The following PDE1A variants were observed in gnomAD, a reference collection of about 807,000 sequenced individuals.
PDE1A encodes dual specificity calcium/calmodulin-dependent 3',5'-cyclic nucleotide phosphodiesterase 1A.
PDE1A carries 35 observed loss-of-function variants against 61.7 expected under a neutral mutation model. That is an observed-to-expected ratio of 0.57 (90% CI 0.43 to 0.75). The LOEUF (loss-of-function observed/expected upper bound fraction) is 0.75, where lower values mean the gene tolerates loss of function less well. PDE1A is among the 30% of genes least tolerant of loss of function. PDE1A has a pLI of 0.00. For missense variants in PDE1A, 597 were observed against 630.6 expected (o/e 0.95, Z 0.57); for synonymous variants, 232 against 213.2 (o/e 1.09, Z -0.77).
At chr2:182,335,069 G>A (rs1437543279) in intron 1 of PDE1A, among the ~76,000 whole-genome samples, 2 of 152,102 alleles carry the variant, frequency 1.3e-5, no homozygotes, top group African/African-American at 2.4e-5. Flanking sequence ...CAGCTTATAA[G>A]GGATGTGAAG....
At chr2:182,682,239 G>A in the PDE1A span, among the ~76,000 whole-genome samples, 16 of 152,288 alleles carry the variant, frequency 1.1e-4, no homozygotes, top group African/African-American at 3.6e-4. Context: ...GATGAGCATT[G>A]CCTGAGAAGA....
At chr2:182,564,221 C>G in the PDE1A span, among the ~76,000 whole-genome samples, 3 of 151,542 alleles carry the variant, frequency 2.0e-5, no homozygotes, top group South Asian at 2.1e-4. Context: ...TTTAGTGCTT[C>G]CTTCAGGAGC....
At chr2:182,614,201 G>A in the PDE1A span, among the ~76,000 whole-genome samples, 1 of 152,136 alleles carries the variant, frequency 6.6e-6, no homozygotes, top group Non-Finnish European at 1.5e-5. Flanking sequence ...CTTAGTCAAG[G>A]AAACTTTTAG....
chr2:182,522,402 T>TA, intron 1 of PDE1A: 1 of 1,612,726 alleles, frequency 6.2e-7, no homozygotes, highest in South Asian at 1.1e-5. Flanking sequence ...ACAATACAGT[T>TA]ACAGTCAGTT....
At chr2:182,267,458 C>T (rs867452291) in intron 1 of PDE1A, among the ~76,000 whole-genome samples, 2 of 148,516 alleles carry the variant, frequency 1.3e-5, no homozygotes, top group South Asian at 2.1e-4. Flanking sequence ...CACACACACA[C>T]GCCTATATTC....
At chr2:182,432,670 C>T (rs557757659) in intron 2 of PDE1A, among the ~76,000 whole-genome samples, 1 of 152,140 alleles carries the variant, frequency 6.6e-6, no homozygotes, top group South Asian at 2.1e-4. Context: ...TCAGTAATAT[C>T]TGTTAAATGT....
At chr2:182,556,745 T>G in the PDE1A span, among the ~76,000 whole-genome samples, 1 of 152,220 alleles carries the variant, frequency 6.6e-6, no homozygotes, top group Non-Finnish European at 1.5e-5. Flanking sequence ...ACTAGAAATA[T>G]GACATTTTAA....
chr2:182,684,048 G>C, the PDE1A span, among the ~76,000 whole-genome samples: 1 of 151,422 alleles, frequency 6.6e-6, no homozygotes, highest in Non-Finnish European at 1.5e-5. Flanking sequence ...GCTTGAACCT[G>C]GGAGGCAGAG....
chr2:182,600,139 G>C, the PDE1A span, among the ~76,000 whole-genome samples: 45 of 152,074 alleles, frequency 3.0e-4, 1 homozygote, highest in African/African-American at 1.0e-3. Flanking sequence ...AAATAAAATT[G>C]GGTAGTTTTA....
At chr2:182,338,869 A>C (rs560498340) in intron 1 of PDE1A, among the ~76,000 whole-genome samples, 1 of 152,268 alleles carries the variant, frequency 6.6e-6, no homozygotes, top group Non-Finnish European at 1.5e-5. Flanking sequence ...ACAGACAAGT[A>C]AGTCATCTGT....
chr2:182,532,835 C>A, the PDE1A span, among the ~76,000 whole-genome samples: 1 of 147,832 alleles, frequency 6.8e-6, no homozygotes, highest in African/African-American at 2.5e-5. Flanking sequence ...GTAGTCCCAG[C>A]TACTCGGGAG....
intron 2 of PDE1A, among the ~76,000 whole-genome samples, chr2:182,513,113 C>G (rs959399038): frequency 6.6e-6 from 1 of 152,092 alleles, no homozygotes; most frequent in African/African-American, 2.4e-5. Flanking sequence ...CTGTGAGATA[C>G]TATACAAGAT....
intron 13 of PDE1A, among the ~76,000 whole-genome samples, chr2:182,177,147 CTT>C (rs542002977): frequency 1.3e-5 from 2 of 150,966 alleles, no homozygotes; most frequent in South Asian, 4.2e-4. Context: ...CTAAAATTCT[CTT>C]TTTTTGTTGT....
intron 2 of PDE1A, among the ~76,000 whole-genome samples, chr2:182,490,735 C>T (rs1009081256): frequency 6.6e-6 from 1 of 152,110 alleles, no homozygotes; most frequent in African/African-American, 2.4e-5. Context: ...CAGAATTATA[C>T]ACTAGAGAGG....
At chr2:182,228,018 C>A (rs1254316684) in intron 6 of PDE1A, among the ~76,000 whole-genome samples, 2 of 152,104 alleles carry the variant, frequency 1.3e-5, no homozygotes, top group African/African-American at 4.8e-5. Context: ...CCCTCTAATG[C>A]AAATGTTTTC....
chr2:182,169,232 T>C (rs1691897986), intron 13 of PDE1A, among the ~76,000 whole-genome samples: 1 of 152,080 alleles, frequency 6.6e-6, no homozygotes, highest in African/African-American at 2.4e-5. Flanking sequence ...TTACATTGAT[T>C]CCATCTCCAG....
intron 1 of PDE1A, among the ~76,000 whole-genome samples, chr2:182,292,563 T>C (rs572946051): frequency 1.3e-5 from 2 of 152,052 alleles, no homozygotes; most frequent in Non-Finnish European, 2.9e-5. Flanking sequence ...TATATTCTTG[T>C]AGTACACTCA....
intron 1 of PDE1A, among the ~76,000 whole-genome samples, chr2:182,369,053 T>C (rs551913682): frequency 6.6e-6 from 1 of 152,292 alleles, no homozygotes; most frequent in East Asian, 1.9e-4. Flanking sequence ...TTTTTTAATA[T>C]CAAATCAAGC....
the PDE1A span, among the ~76,000 whole-genome samples, chr2:182,701,316 T>C: frequency 1.1e-4 from 16 of 151,834 alleles, no homozygotes; most frequent in Non-Finnish European, 2.2e-4. Context: ...ATTACAGGTG[T>C]GAGCCACCGC....
Sources: gnomAD v4.1 joint callset for allele counts (sites outside exome capture counted in the v4.1 genomes callset) on GRCh38, gnomAD v4.1.1 for gene constraint, MANE v1.5 for transcripts, NCBI Gene and HGNC (gene_info 2026-07-23, HGNC 2026-07-21) for gene names.